The following MCC variants were observed in gnomAD, a reference collection of about 807,000 sequenced individuals.
The protein encoded by MCC is MCC regulator of Wnt signaling pathway.
MCC carries 90 observed loss-of-function variants against 116.2 expected under a neutral mutation model. The ratio of observed to expected loss-of-function variants is 0.77; its 90% CI spans 0.65 to 0.92. The LOEUF (loss-of-function observed/expected upper bound fraction) is 0.92, where lower values mean the gene tolerates loss of function less well. Among genes scored for constraint, MCC ranks in the 40% least tolerant of loss-of-function variants. The pLI, the probability that MCC is intolerant of heterozygous loss-of-function variation, is 0.00. For synonymous variants in MCC, 578 were observed against 510.5 expected, an observed-to-expected ratio of 1.13 and a Z score of -1.78; for missense variants, 1,516 against 1,312.2, an observed-to-expected ratio of 1.16 and a Z score of -2.40.
chr5:113,357,685 A>G (rs1302899944), intron 2 of MCC, among the ~76,000 whole-genome samples: 2 of 152,162 alleles, frequency 1.3e-5, no homozygotes, highest in East Asian at 3.8e-4. Context: ...TAACTCATAT[A>G]TGACCTTCTA....
At chr5:113,198,013 G>C (rs902348187) in intron 3 of MCC, among the ~76,000 whole-genome samples, 2 of 152,232 alleles carry the variant, frequency 1.3e-5, no homozygotes, top group Non-Finnish European at 1.5e-5. Context: ...GATTAGAAAG[G>C]GGGTAAGAAC....
intron 1 of MCC, among the ~76,000 whole-genome samples, chr5:113,396,232 G>T (rs1336418846): frequency 6.6e-6 from 1 of 152,168 alleles, no homozygotes; most frequent in East Asian, 1.9e-4. Flanking sequence ...GGAGGCTGAG[G>T]TGAGAGGATC....
chr5:113,096,661 A>G (rs1383734287), intron 8 of MCC, among the ~76,000 whole-genome samples: 1 of 151,986 alleles, frequency 6.6e-6, no homozygotes, highest in African/African-American at 2.4e-5. Flanking sequence ...CTGTGGTGGG[A>G]GCCTTTGAGT....
chr5:113,427,508 C>G (rs1269642983), intron 1 of MCC, among the ~76,000 whole-genome samples: 1 of 152,168 alleles, frequency 6.6e-6, no homozygotes, highest in Non-Finnish European at 1.5e-5. Context: ...TTCTCCTGAT[C>G]TAAATGTGCT....
chr5:113,433,796 C>T (rs764088372), intron 1 of MCC: 27 of 1,613,804 alleles, frequency 1.7e-5, no homozygotes, highest in Admixed American at 1.3e-4. Context: ...CCATAGTCGA[C>T]GGCTTGCTGG....
intron 3 of MCC, among the ~76,000 whole-genome samples, chr5:113,320,201 T>G (rs1263420587): frequency 6.6e-6 from 1 of 152,182 alleles, no homozygotes; most frequent in Non-Finnish European, 1.5e-5. Context: ...TTTTATAGCA[T>G]GTACTCTGTC....
chr5:113,123,135 C>T (rs1757834270), intron 5 of MCC, among the ~76,000 whole-genome samples: 1 of 152,136 alleles, frequency 6.6e-6, no homozygotes, highest in African/African-American at 2.4e-5. Context: ...CCTCAAATTC[C>T]GAGGAGAATA....
intron 3 of MCC, among the ~76,000 whole-genome samples, chr5:113,160,979 A>G (rs1159219330): frequency 6.6e-6 from 1 of 152,232 alleles, no homozygotes; most frequent in Non-Finnish European, 1.5e-5. Context: ...TGTGATCTTT[A>G]AAAATTAAAA....
intron 8 of MCC, among the ~76,000 whole-genome samples, chr5:113,090,660 T>C (rs1755561284): frequency 6.6e-6 from 1 of 152,172 alleles, no homozygotes; most frequent in East Asian, 1.9e-4. Context: ...AGAAGGACGA[T>C]GGCAGACTCT....
intron 16 of MCC, among the ~76,000 whole-genome samples, chr5:113,044,718 G>T (rs1224363270): frequency 6.6e-6 from 1 of 152,176 alleles, no homozygotes; most frequent in Non-Finnish European, 1.5e-5. Context: ...GGGATTACAG[G>T]CATGTGCCAC....
chr5:113,094,208 G>T (rs1054992339), intron 8 of MCC, among the ~76,000 whole-genome samples: 1 of 152,064 alleles, frequency 6.6e-6, no homozygotes, highest in African/African-American at 2.4e-5. Flanking sequence ...TGGTGTTTCA[G>T]GATAGTGGTA....
At chr5:113,203,479 G>A (rs563102753) in intron 3 of MCC, among the ~76,000 whole-genome samples, 25 of 150,916 alleles carry the variant, frequency 1.7e-4, no homozygotes, top group Non-Finnish European at 3.5e-4. Flanking sequence ...CTTTCAGCAC[G>A]GCCCAGACCA....
intron 3 of MCC, among the ~76,000 whole-genome samples, chr5:113,298,584 T>C (rs76253884): frequency 0.015 from 2,260 of 152,158 alleles, 61 homozygotes; most frequent in African/African-American, 0.048. Context: ...ATTTGTAAGC[T>C]GGAGCTAAGG....
At chr5:113,124,504 T>C (rs1207250516) in intron 5 of MCC, among the ~76,000 whole-genome samples, 1 of 152,240 alleles carries the variant, frequency 6.6e-6, no homozygotes, top group African/African-American at 2.4e-5. Context: ...GTTTCTTTGG[T>C]ATAAATGGCA....
At chr5:113,354,421 G>A (rs951151394) in intron 2 of MCC, among the ~76,000 whole-genome samples, 24 of 146,202 alleles carry the variant, frequency 1.6e-4, no homozygotes, top group Admixed American at 2.1e-4. Context: ...TAACATCTGA[G>A]GGATTCTTTT....
intron 3 of MCC, among the ~76,000 whole-genome samples, chr5:113,318,229 A>T (rs1271106293): frequency 6.6e-6 from 1 of 152,190 alleles, no homozygotes; most frequent in African/African-American, 2.4e-5. Flanking sequence ...TGAGATGAAG[A>T]CAACTAAAGC....
chr5:113,311,774 C>G (rs1280692044), intron 3 of MCC, among the ~76,000 whole-genome samples: 1 of 151,674 alleles, frequency 6.6e-6, no homozygotes, highest in Non-Finnish European at 1.5e-5. Flanking sequence ...GAGTTCAAGA[C>G]CAGCTTGGGC....
chr5:113,418,810 C>G (rs17135615), intron 1 of MCC, among the ~76,000 whole-genome samples: 4,889 of 152,194 alleles, frequency 0.032, 108 homozygotes, highest in East Asian at 0.076. Flanking sequence ...TAAAAAGGGC[C>G]TTTAATTATT....
At chr5:113,198,186 C>T (rs1031669429) in intron 3 of MCC, among the ~76,000 whole-genome samples, 3 of 152,176 alleles carry the variant, frequency 2.0e-5, no homozygotes, top group African/African-American at 7.2e-5. Flanking sequence ...TTGTTCATGT[C>T]TTTGGTGGTG....
Sources: allele counts gnomAD v4.1 joint callset (sites outside exome capture counted in the v4.1 genomes callset), GRCh38; gene constraint gnomAD v4.1.1; transcripts MANE v1.5; gene names NCBI Gene and HGNC (gene_info 2026-07-23, HGNC 2026-07-21).